Variants in RIMS1 observed in about 807,000 individuals in gnomAD.
RIMS1 encodes the protein regulating synaptic membrane exocytosis 1.
In RIMS1, 83 loss-of-function variants were observed where a neutral mutation model predicts 214.1. That is an observed-to-expected ratio of 0.39 (90% CI 0.32 to 0.47). The LOEUF (loss-of-function observed/expected upper bound fraction) is 0.47, where lower values mean the gene tolerates loss of function less well. Among genes scored for constraint, RIMS1 ranks in the 20% least tolerant of loss-of-function variants. The pLI is 0.99. For synonymous variants in RIMS1, 793 were observed against 786.8 expected (o/e 1.01, Z -0.13); for missense variants, 2,050 against 2,161.8 (o/e 0.95, Z 1.03).
chr6:72,140,629 C>G (rs1029928280), intron 4 of RIMS1, among the ~76,000 whole-genome samples: 1 of 151,988 alleles, frequency 6.6e-6, no homozygotes, highest in Non-Finnish European at 1.5e-5. Context: ...ACTTTGATTT[C>G]TCCAACAAGA....
intron 29 of RIMS1, among the ~76,000 whole-genome samples, chr6:72,353,103 G>A (rs1484289972): frequency 7.0e-6 from 1 of 142,856 alleles, no homozygotes; most frequent in Non-Finnish European, 1.5e-5. Context: ...TGATTCTCCT[G>A]CCTCCTGAGT....
chr6:72,020,440 C>T (rs1814255856), intron 2 of RIMS1, among the ~76,000 whole-genome samples: 2 of 152,226 alleles, frequency 1.3e-5, no homozygotes, highest in South Asian at 4.1e-4. Flanking sequence ...CCTTGGCCCA[C>T]TCAGCCTCTT....
At chr6:72,204,020 T>C (rs1343372697) in intron 6 of RIMS1, among the ~76,000 whole-genome samples, 2 of 152,194 alleles carry the variant, frequency 1.3e-5, no homozygotes, top group East Asian at 3.9e-4. Flanking sequence ...ATTTAACTTA[T>C]GTTTGGGGAA....
At chr6:72,014,993 A>C (rs1169694889) in intron 2 of RIMS1, among the ~76,000 whole-genome samples, 1 of 152,230 alleles carries the variant, frequency 6.6e-6, no homozygotes, top group Admixed American at 6.5e-5. Flanking sequence ...TAGAAATAAA[A>C]GTTGAATATC....
intron 4 of RIMS1, among the ~76,000 whole-genome samples, chr6:72,131,595 A>G (rs185348859): frequency 6.6e-6 from 1 of 152,302 alleles, no homozygotes; most frequent in Admixed American, 6.5e-5. Flanking sequence ...ATAGAATATC[A>G]CAAGGCAAAT....
At chr6:71,972,108 A>G (rs1006001114) in intron 2 of RIMS1, among the ~76,000 whole-genome samples, 2 of 152,178 alleles carry the variant, frequency 1.3e-5, no homozygotes, top group African/African-American at 2.4e-5. Flanking sequence ...TGAGTAAAGT[A>G]TGAGGGTCCC....
intron 1 of RIMS1, among the ~76,000 whole-genome samples, chr6:71,890,596 A>AAAAC (rs1554194854): frequency 0.043 from 4,804 of 112,704 alleles, 1,045 homozygotes; most frequent in African/African-American, 0.12. Flanking sequence ...AAAAAAAAAA[A>AAAAC]ACTTCATAGA....
intron 26 of RIMS1, among the ~76,000 whole-genome samples, chr6:72,299,967 A>T (rs1174951750): frequency 6.6e-6 from 1 of 151,818 alleles, no homozygotes; most frequent in Non-Finnish European, 1.5e-5. Context: ...TTTCAAAAAT[A>T]CAAGTTTCTT....
At chr6:72,395,808 C>T (rs572601830) in intron 31 of RIMS1, among the ~76,000 whole-genome samples, 1 of 151,886 alleles carries the variant, frequency 6.6e-6, no homozygotes, top group South Asian at 2.1e-4. Context: ...CCCAATTACA[C>T]TGATTTGATC....
intron 26 of RIMS1, among the ~76,000 whole-genome samples, chr6:72,296,227 AC>A (rs1227362633): frequency 6.6e-6 from 1 of 151,896 alleles, no homozygotes; most frequent in African/African-American, 2.4e-5. Flanking sequence ...ATTTATCTAT[AC>A]TGACAACTAG....
chr6:72,318,534 C>T (rs2154306245), intron 28 of RIMS1, among the ~76,000 whole-genome samples: 1 of 152,230 alleles, frequency 6.6e-6, no homozygotes, highest in African/African-American at 2.4e-5. Flanking sequence ...TAGATTGGTT[C>T]ATTTTCCCCT....
At chr6:72,276,441 T>C (rs901227115) in intron 23 of RIMS1, among the ~76,000 whole-genome samples, 1 of 152,148 alleles carries the variant, frequency 6.6e-6, no homozygotes, top group African/African-American at 2.4e-5. Flanking sequence ...GAGATGTTAT[T>C]AGCTTAATTT....
chr6:72,286,737 A>G (rs1221148640), intron 24 of RIMS1, among the ~76,000 whole-genome samples: 1 of 152,206 alleles, frequency 6.6e-6, no homozygotes, highest in Non-Finnish European at 1.5e-5. Flanking sequence ...AAGACACAGT[A>G]TAAATGCTTT....
intron 24 of RIMS1, among the ~76,000 whole-genome samples, chr6:72,284,978 G>T (rs907162660): frequency 1.3e-5 from 2 of 152,160 alleles, no homozygotes; most frequent in African/African-American, 4.8e-5. Flanking sequence ...TCTGAGAGGG[G>T]ACAACGTGAG....
intron 9 of RIMS1, 106 bp downstream of exon 9, chr6:72,238,028 T>G (rs2065010960): frequency 1.7e-6 from 1 of 586,004 alleles, no homozygotes; most frequent in Non-Finnish European, 3.0e-6. Flanking sequence ...CATACATACA[T>G]GTATGTATGT....
chr6:72,254,731 G>A (rs921200856), intron 16 of RIMS1, among the ~76,000 whole-genome samples: 1 of 152,108 alleles, frequency 6.6e-6, no homozygotes, highest in South Asian at 2.1e-4. Flanking sequence ...CATGGATAAC[G>A]CCTTGTGAGA....
intron 2 of RIMS1, among the ~76,000 whole-genome samples, chr6:72,052,211 T>G (rs1824900443): frequency 6.6e-6 from 1 of 152,190 alleles, no homozygotes; most frequent in Admixed American, 6.5e-5. Flanking sequence ...ATTAGAGGGA[T>G]TTGAAGCTCC....
chr6:72,281,406 A>C (rs1331790972), intron 23 of RIMS1, among the ~76,000 whole-genome samples: 1 of 152,162 alleles, frequency 6.6e-6, no homozygotes, highest in Non-Finnish European at 1.5e-5. Flanking sequence ...AATCCATTAC[A>C]TTTTAGGAGA....
intron 2 of RIMS1, among the ~76,000 whole-genome samples, chr6:72,021,685 G>T (rs1383400576): frequency 1.3e-5 from 2 of 152,098 alleles, no homozygotes; most frequent in Non-Finnish European, 2.9e-5. Context: ...GGTCTAACAA[G>T]GTATAGTAGG....
Sources: gnomAD v4.1 joint callset for allele counts (sites outside exome capture counted in the v4.1 genomes callset) on GRCh38, gnomAD v4.1.1 for gene constraint, MANE v1.5 for transcripts, NCBI Gene and HGNC (gene_info 2026-07-23, HGNC 2026-07-21) for gene names.